Variants in SH3RF2 observed in about 807,000 individuals in gnomAD.
SH3RF2 encodes the protein E3 ubiquitin-protein ligase SH3RF2.
A neutral mutation model predicts 59.0 loss-of-function variants in SH3RF2; 43 were observed. The ratio of observed to expected loss-of-function variants is 0.73; its 90% confidence interval spans 0.57 to 0.94. The LOEUF is 0.94. SH3RF2 is among the 40% of genes least tolerant of loss of function. The probability of loss-of-function intolerance (pLI) is 0.00; values close to 1 mark genes in which losing one functional copy is unlikely to be tolerated. For synonymous variants in SH3RF2, 391 were observed against 391.5 expected (o/e 1.00, Z 0.01); for missense variants, 930 against 940.1 (o/e 0.99, Z 0.14).
chr5:146,045,286 G>A (rs13163457), intron 5 of SH3RF2, among the ~76,000 whole-genome samples: 43,003 of 152,040 alleles, frequency 0.28, 7,710 homozygotes, highest in Non-Finnish European at 0.38. Flanking sequence ...TCCTCAGGAG[G>A]GTGATTGTGG....
intron 2 of SH3RF2, among the ~76,000 whole-genome samples, chr5:145,970,700 G>A (rs1285546485): frequency 6.6e-6 from 1 of 152,086 alleles, no homozygotes; most frequent in Non-Finnish European, 1.5e-5. Context: ...CCAGCCTGTA[G>A]TATTCTGTTA....
intron 2 of SH3RF2, among the ~76,000 whole-genome samples, chr5:145,951,717 C>A (rs905678459): frequency 1.3e-5 from 2 of 152,166 alleles, no homozygotes; most frequent in African/African-American, 2.4e-5. Flanking sequence ...CACATCTGCC[C>A]ACTCTTCCAT....
chr5:145,961,800 A>T (rs1269446085), intron 2 of SH3RF2, among the ~76,000 whole-genome samples: 1 of 152,202 alleles, frequency 6.6e-6, no homozygotes, highest in Admixed American at 6.5e-5. Flanking sequence ...TTGTAGGAAG[A>T]CCTTCTCAGT....
intron 5 of SH3RF2, among the ~76,000 whole-genome samples, chr5:146,034,834 C>T (rs936757113): frequency 2.0e-5 from 3 of 152,140 alleles, no homozygotes; most frequent in Non-Finnish European, 4.4e-5. Flanking sequence ...AGGCCAGGTG[C>T]AGTGGCTCAC....
chr5:146,047,317 C>A (rs1409452330), intron 5 of SH3RF2, among the ~76,000 whole-genome samples: 1 of 152,136 alleles, frequency 6.6e-6, no homozygotes, highest in Non-Finnish European at 1.5e-5. Context: ...GGGATTATAA[C>A]AATTCCTTTA....
Position 145,938,104 on chromosome 5 carries a change from A to C in SH3RF2, c.176A>C (p.Asn59Thr). 6.2e-7 allele frequency: 1 copy of C among 1,614,160 alleles called. No homozygotes were observed. Among genetic ancestry groups the C allele is most frequent in the Non-Finnish European group, 8.5e-7 (1 of 1,180,016 alleles). Residue 59 changes from asparagine to threonine, a missense_variant, in exon 2 of 10, where the codon AAC (asparagine) becomes ACC (threonine). By Grantham distance (65) the Asn-to-Thr change is moderately conservative. Transcript: ENST00000359120. The stretch of plus-strand genomic sequence containing the variant: ...GAATGCAGGACGCCTGTGTTTTCCA[A>C]CATTGAGGCGCTGCCGGCCAACCTG... Reference protein sequence around the residue: ...CPECRTPVFSNIEALPANLLL... With the variant: ...CPECRTPVFSTIEALPANLLL...
At chr5:145,968,771 T>C (rs1758958083) in intron 2 of SH3RF2, among the ~76,000 whole-genome samples, 1 of 152,214 alleles carries the variant, frequency 6.6e-6, no homozygotes, top group African/African-American at 2.4e-5. Flanking sequence ...TTCTGACTAG[T>C]CACATTTTAA....
chr5:146,056,488 A>G (rs1473635950), intron 8 of SH3RF2, among the ~76,000 whole-genome samples: 1 of 152,200 alleles, frequency 6.6e-6, no homozygotes, highest in Non-Finnish European at 1.5e-5. Flanking sequence ...CAACGTGGAC[A>G]CTGGCTCTTA....
intron 5 of SH3RF2, among the ~76,000 whole-genome samples, chr5:146,029,170 C>T (rs1011751760): frequency 6.6e-6 from 1 of 152,150 alleles, no homozygotes. Flanking sequence ...TATTGTTAAT[C>T]GTTGTTACTT....
intron 9 of SH3RF2, among the ~76,000 whole-genome samples, chr5:146,069,782 C>T (rs561295370): frequency 2.0e-5 from 3 of 152,170 alleles, no homozygotes; most frequent in Admixed American, 2.0e-4. Flanking sequence ...CTATGTTACC[C>T]AGACTGGTCT....
chr5:146,069,719 G>A lies in SH3RF2; in HGVS notation c.*33+6985G>A, dbSNP rs573464745. ...CCCACAAGTAGCTGGGACTACAGGCGTGTGCCACCACACCCAGCTAATTTT... is the reference window on the plus strand; with the variant it reads ...CCCACAAGTAGCTGGGACTACAGGCATGTGCCACCACACCCAGCTAATTTT... On this transcript the variant is annotated intron_variant, in intron 9 of 9. Coordinates refer to the SH3RF2 transcript ENST00000511217. Among the ~76,000 whole-genome samples the A allele has an allele frequency of 3.3e-5, 5 of 152,080 alleles. No individual in the cohort carries two copies. The East Asian group carries it at 5.8e-4, about 18-fold the overall frequency.
In SH3RF2 at chr5:145,938,235, A is replaced by G. The variant is rs748236796; in HGVS notation, c.307A>G (p.Arg103Gly). 1.9e-6 allele frequency: 3 copies of G among 1,610,820 alleles called. No individual in the cohort carries two copies. The Admixed American group carries it at 5.0e-5, about 27-fold the overall frequency. ...TMTLQDGRKSRTNPRRLQASP... is the reference protein window; with the variant it reads ...TMTLQDGRKSGTNPRRLQASP... The stretch of plus-strand genomic sequence containing the variant: ...GACCTTGCAGGATGGCAGGAAAAGC[A>G]GGACCAACCCCAGACGTCTGCAGGC... The change falls in exon 2 of 10, where the codon AGG becomes GGG. Residue 103 changes from arginine to glycine, a missense_variant. Physicochemically the swap from Arg to Gly is moderately radical, Grantham distance 125. Coordinates refer to ENST00000359120, the MANE Select transcript of SH3RF2 (RefSeq NM_152550.4).
chr5:145,940,368 C>A (rs1346402355), intron 2 of SH3RF2, among the ~76,000 whole-genome samples: 2 of 152,202 alleles, frequency 1.3e-5, no homozygotes, highest in Admixed American at 1.3e-4. Context: ...AAACCTATTT[C>A]TGGATGTCAA....
At chr5:146,051,166 C>A (rs1285962194) in intron 7 of SH3RF2, among the ~76,000 whole-genome samples, 1 of 151,964 alleles carries the variant, frequency 6.6e-6, no homozygotes, top group African/African-American at 2.4e-5. Flanking sequence ...ACTGGGAGGG[C>A]AGAGGTTACA....
intron 4 of SH3RF2, among the ~76,000 whole-genome samples, chr5:146,010,331 A>G (rs1300386388): frequency 1.3e-5 from 2 of 152,234 alleles, no homozygotes; most frequent in Non-Finnish European, 2.9e-5. Context: ...TAGTGCCACA[A>G]TAAACATACG....
intron 2 of SH3RF2, among the ~76,000 whole-genome samples, chr5:145,971,706 T>TA (rs1288547727): frequency 2.0e-5 from 3 of 152,224 alleles, no homozygotes; most frequent in Admixed American, 6.5e-5. Flanking sequence ...CTGCATGTGC[T>TA]AACTGCTATG....
chr5:145,937,454 G>C (rs975623676), intron 1 of SH3RF2, among the ~76,000 whole-genome samples: 1 of 152,194 alleles, frequency 6.6e-6, no homozygotes, highest in Non-Finnish European at 1.5e-5. Flanking sequence ...TGCGTTCGGA[G>C]GGGGCTTTGT....
intron 5 of SH3RF2, among the ~76,000 whole-genome samples, chr5:146,016,845 TAA>T (rs1490676299): frequency 6.6e-6 from 1 of 152,198 alleles, no homozygotes. Context: ...GAATTTGTCC[TAA>T]GTCTTTTGCA....
At chr5:146,077,561 C>G (rs145126054) in intron 9 of SH3RF2, among the ~76,000 whole-genome samples, 138 of 152,290 alleles carry the variant, frequency 9.1e-4, no homozygotes, top group Admixed American at 1.6e-3. Context: ...TAAATGCTCA[C>G]TTATCCCTAA....
Sources: gnomAD v4.1 joint callset for allele counts (sites outside exome capture counted in the v4.1 genomes callset) on GRCh38, gnomAD v4.1.1 for gene constraint, MANE v1.5 for transcripts, NCBI Gene and HGNC (gene_info 2026-07-23, HGNC 2026-07-21) for gene names.